The following AFAP1L1 variants were observed in gnomAD, a reference collection of about 807,000 sequenced individuals.
AFAP1L1 encodes actin filament-associated protein 1-like 1.
AFAP1L1 carries 77 observed loss-of-function variants against 99.8 expected under a neutral mutation model. The observed-to-expected ratio is 0.77, with a 90% confidence interval of 0.64 to 0.93. AFAP1L1 has a LOEUF of 0.93. Ranked by LOEUF, AFAP1L1 falls within the 40% of genes least tolerant of loss-of-function variation. The probability of loss-of-function intolerance (pLI) is 0.00; values close to 1 mark genes in which losing one functional copy is unlikely to be tolerated. For synonymous variants in AFAP1L1, 373 were observed against 395.3 expected (o/e 0.94, Z 0.67); for missense variants, 893 against 996.8 (o/e 0.90, Z 1.40).
intron 11 of AFAP1L1, 37 bp downstream of exon 11, chr5:149,316,340 C>A: frequency 6.3e-7 from 1 of 1,598,262 alleles, no homozygotes; most frequent in Non-Finnish European, 8.5e-7. Context: ...GTGCTCAGGT[C>A]CTGTGTGCGC....
intron 9 of AFAP1L1, 35 bp from the exon 10 acceptor site, chr5:149,315,786 C>A: frequency 6.3e-7 from 1 of 1,587,580 alleles, no homozygotes; most frequent in Non-Finnish European, 8.6e-7. Context: ...TCTGAATGTG[C>A]CCTCTGATGA....
chr5:149,319,530 A>G, intron 12 of AFAP1L1, 52 bp from the exon 13 acceptor site: 5 of 1,549,692 alleles, frequency 3.2e-6, no homozygotes, highest in Non-Finnish European at 3.5e-6. Flanking sequence ...ACAGGTCTCC[A>G]GGAGCCCTGA....
chr5:149,272,084 T>A, intron 1 of AFAP1L1, 100 bp downstream of exon 1: 1 of 792,948 alleles, frequency 1.3e-6, no homozygotes. Context: ...AGGCGGGCGG[T>A]GGGGCGGGGG....
chr5:149,299,628 C>G lies in AFAP1L1; in HGVS notation c.136C>G (p.Pro46Ala), dbSNP rs1357682651. The change falls in exon 2 of 19, where the codon CCC becomes GCC. Residue 46 changes from proline (P) to alanine (A), a missense_variant. By Grantham distance (27) the Pro-to-Ala change is conservative (BLOSUM62 -1). Transcript: ENST00000296721. ...AVASILQSLQPLPAKEVSYLY... is the reference protein window; with the variant it reads ...AVASILQSLQALPAKEVSYLY... Reference sequence around the variant, plus strand: ...GGCCTCCATCCTGCAGAGCCTGCAGCCCCTTCCAGGTTAGCCGCCAGCAGC... The same window carrying G: ...GGCCTCCATCCTGCAGAGCCTGCAGGCCCTTCCAGGTTAGCCGCCAGCAGC... 3 of 1,614,054 alleles carry G rather than the reference C, an allele frequency of 1.9e-6. No homozygotes were observed. In the African/African-American group the frequency reaches 4.0e-5, roughly 22 times the overall value.
At chr5:149,301,537 G>A (rs553650455) in intron 4 of AFAP1L1, among the ~76,000 whole-genome samples, 107 of 152,272 alleles carry the variant, frequency 7.0e-4, no homozygotes, top group African/African-American at 2.3e-3. Context: ...CCTCAGGCCC[G>A]AAGGACGTCA....
intron 1 of AFAP1L1, among the ~76,000 whole-genome samples, chr5:149,274,781 C>T (rs1022661270): frequency 1.5e-4 from 23 of 150,884 alleles, no homozygotes; most frequent in South Asian, 1.0e-3. Flanking sequence ...CGAGAGGCTG[C>T]GACAGGAGAG....
In AFAP1L1 at chr5:149,329,781, A is replaced by C. The variant is rs138597939; in HGVS notation, c.1926A>C (p.Ala642=). The C allele has an allele frequency of 1.5e-3, 2,387 of 1,613,784 alleles. 2 individuals are homozygous for C. Among genetic ancestry groups the C allele is most frequent in the Non-Finnish European group, 1.8e-3 (2,174 of 1,179,858 alleles). The change falls in exon 16 of 19, where the codon GCA becomes GCC. Residue 642 remains alanine (A), a synonymous_variant. Transcript: ENST00000296721. ...AGACGATTCGGACAGAGCTGATAGC[A>C]CTGAGACAGGAGAAGAGGGAACTGA... is the stretch of plus-strand genomic sequence containing the variant. ...EKETIRTELI[A]LRQEKRELKE...
intron 12 of AFAP1L1, among the ~76,000 whole-genome samples, chr5:149,319,293 T>C (rs954854389): frequency 1.3e-5 from 2 of 151,990 alleles, no homozygotes; most frequent in Non-Finnish European, 2.9e-5. Flanking sequence ...ATTCTAATGG[T>C]TGGGGAAGGC....
At chr5:149,297,289 C>T (rs988011688) in intron 1 of AFAP1L1, among the ~76,000 whole-genome samples, 2 of 152,100 alleles carry the variant, frequency 1.3e-5, no homozygotes, top group African/African-American at 2.4e-5. Flanking sequence ...GACCTCCAGG[C>T]GCCTTTCGCC....
chr5:149,317,127 T>C (rs1027576807), intron 11 of AFAP1L1, among the ~76,000 whole-genome samples: 3 of 152,218 alleles, frequency 2.0e-5, no homozygotes, highest in African/African-American at 4.8e-5. Flanking sequence ...ATAGAGACAC[T>C]GTATTCCAGC....
intron 17 of AFAP1L1, 54 bp downstream of exon 17, chr5:149,332,927 A>T (rs1235714611): frequency 6.8e-7 from 1 of 1,461,604 alleles, no homozygotes; most frequent in Non-Finnish European, 9.0e-7. Flanking sequence ...CCCTCCACTC[A>T]CTACAGATCT....
intron 1 of AFAP1L1, among the ~76,000 whole-genome samples, chr5:149,274,864 G>A (rs181670527): frequency 7.6e-4 from 108 of 142,356 alleles, no homozygotes; most frequent in African/African-American, 2.5e-3. Flanking sequence ...CAGCCTGGGC[G>A]ACACAGCAAG....
chr5:149,292,943 T>A lies in AFAP1L1; in HGVS notation c.17-6566T>A, dbSNP rs1659093. Among the ~76,000 whole-genome samples, 105 of 152,174 alleles carry A rather than the reference T, an allele frequency of 6.9e-4. 1 individual carries two copies. In the South Asian group the frequency reaches 9.5e-3, roughly 14 times the overall value. On this transcript the variant is annotated intron_variant, in intron 1 of 18. Transcript: ENST00000296721. Reference sequence around the variant, plus strand: ...AGAAGATATTGTCTCCTCACCTTGCTTGGAGGGGGTCCTTGGAATGTGAGC... The same window carrying A: ...AGAAGATATTGTCTCCTCACCTTGCATGGAGGGGGTCCTTGGAATGTGAGC...
chr5:149,334,130 G>C (rs1384601828), intron 17 of AFAP1L1, among the ~76,000 whole-genome samples: 1 of 152,162 alleles, frequency 6.6e-6, no homozygotes, highest in African/African-American at 2.4e-5. Flanking sequence ...GAAATAACTT[G>C]TCTGTTAAGT....
At chr5:149,312,242 A>G in intron 9 of AFAP1L1, 38 bp downstream of exon 9, 3 of 1,594,500 alleles carry the variant, frequency 1.9e-6, no homozygotes, top group Non-Finnish European at 2.6e-6. Context: ...CAGGCCAGGC[A>G]GTGGCCACTC....
At chr5:149,289,396 G>A (rs1755783568) in intron 1 of AFAP1L1, among the ~76,000 whole-genome samples, 1 of 152,088 alleles carries the variant, frequency 6.6e-6, no homozygotes, top group South Asian at 2.1e-4. Flanking sequence ...CCCTCACACA[G>A]GGGCTATATT....
Position 149,340,189 on chromosome 5 carries a change from G to C in AFAP1L1, c.*159G>C, listed in dbSNP as rs2127607182. The stretch of plus-strand genomic sequence containing the variant: ...CTTTATTGTCTGCATGATTTTAGGG[G>C]ATATGGGGAGGGAACAAGTAGAAGG... On this transcript the variant is annotated 3_prime_UTR_variant, in exon 19 of 19. Coordinates refer to ENST00000296721, the MANE Select transcript of AFAP1L1 (RefSeq NM_152406.4). 1 of 715,594 alleles carries C rather than the reference G, an allele frequency of 1.4e-6. No individual in the cohort carries two copies. The highest frequency in any genetic ancestry group is 1.9e-5 in the South Asian group (1 of 53,688). 44.3% of individuals were successfully genotyped at this position (715,594 alleles called of 1,614,324 possible). A position where few individuals can be genotyped will look rare whatever the true frequency, so the allele number is the denominator to read the frequency against.
chr5:149,303,589 G>A (rs377615675), intron 5 of AFAP1L1, among the ~76,000 whole-genome samples: 1 of 152,158 alleles, frequency 6.6e-6, no homozygotes. Context: ...ATTCTGATCA[G>A]CAAAGACAGA....
intron 15 of AFAP1L1, among the ~76,000 whole-genome samples, chr5:149,328,356 C>T (rs1348120143): frequency 4.6e-5 from 7 of 152,196 alleles, no homozygotes; most frequent in Non-Finnish European, 8.8e-5. Flanking sequence ...AGAGGTTGAA[C>T]TATGGCCTTG....
Sources: allele counts gnomAD v4.1 joint callset (sites outside exome capture counted in the v4.1 genomes callset), GRCh38; gene constraint gnomAD v4.1.1; transcripts MANE v1.5; gene names NCBI Gene and HGNC (gene_info 2026-07-23, HGNC 2026-07-21).